PCDH9: variants seen among roughly 807,000 people sequenced by gnomAD.
PCDH9 encodes protocadherin 9.
A neutral mutation model predicts 70.6 loss-of-function variants in PCDH9; 24 were observed. The observed-to-expected ratio is 0.34, with a 90% CI of 0.25 to 0.48. The LOEUF (loss-of-function observed/expected upper bound fraction) is 0.48. Among genes scored for constraint, PCDH9 ranks in the 20% least tolerant of loss-of-function variants. The probability of loss-of-function intolerance (pLI) is 0.99; values close to 1 mark genes in which losing one functional copy is unlikely to be tolerated. For synonymous variants in PCDH9, 562 were observed against 558.5 expected (o/e 1.01, Z -0.09); for missense variants, 1,281 against 1,503.6 (o/e 0.85, Z 2.45).
chr13:67,073,193 A>G (rs906044713), intron 2 of PCDH9, among the ~76,000 whole-genome samples: 2 of 152,124 alleles, frequency 1.3e-5, no homozygotes, highest in Admixed American at 6.6e-5. Context: ...TAAAGTGTCC[A>G]TTGTCATTCT....
intron 2 of PCDH9, among the ~76,000 whole-genome samples, chr13:66,937,901 T>C (rs768501722): frequency 1.3e-5 from 2 of 152,148 alleles, no homozygotes; most frequent in Non-Finnish European, 2.9e-5. Flanking sequence ...TTCTGGGGGT[T>C]GCCCAATTCA....
intron 3 of PCDH9, among the ~76,000 whole-genome samples, chr13:66,777,320 A>G (rs2079912831): frequency 6.6e-6 from 1 of 150,742 alleles, no homozygotes; most frequent in Non-Finnish European, 1.5e-5. Context: ...CAGCAAAAGA[A>G]ACTACCATCA....
At chr13:67,098,785 A>G (rs1435013782) in intron 2 of PCDH9, among the ~76,000 whole-genome samples, 1 of 152,146 alleles carries the variant, frequency 6.6e-6, no homozygotes, top group African/African-American at 2.4e-5. Context: ...AGAAATAATA[A>G]TGCAGAAAAG....
At chr13:66,396,582 T>C (rs1593911012) in intron 4 of PCDH9, among the ~76,000 whole-genome samples, 1 of 151,766 alleles carries the variant, frequency 6.6e-6, no homozygotes, top group East Asian at 1.9e-4. Flanking sequence ...ACGAAATAGA[T>C]AGACAGACAG....
chr13:66,395,552 A>C (rs567756910), intron 4 of PCDH9, among the ~76,000 whole-genome samples: 1 of 152,098 alleles, frequency 6.6e-6, no homozygotes, highest in Non-Finnish European at 1.5e-5. Context: ...GTGAGCCAAG[A>C]TCGTGCCACT....
intron 3 of PCDH9, among the ~76,000 whole-genome samples, chr13:66,754,835 C>T (rs2079516130): frequency 6.6e-6 from 1 of 152,066 alleles, no homozygotes; most frequent in Non-Finnish European, 1.5e-5. Context: ...TACATGCATA[C>T]TATATATTTA....
intron 3 of PCDH9, among the ~76,000 whole-genome samples, chr13:66,755,256 T>C (rs1000801725): frequency 4.6e-5 from 7 of 152,172 alleles, no homozygotes; most frequent in African/African-American, 1.7e-4. Context: ...ATTCCTTTTC[T>C]ACAGAGAAGG....
At chr13:66,391,336 A>C (rs1957014074) in intron 4 of PCDH9, among the ~76,000 whole-genome samples, 2 of 152,188 alleles carry the variant, frequency 1.3e-5, no homozygotes, top group African/African-American at 4.8e-5. Context: ...GGATGTCTTG[A>C]ATGTTCCTAA....
chr13:66,480,734 T>C (rs533884508), intron 4 of PCDH9, among the ~76,000 whole-genome samples: 2 of 152,168 alleles, frequency 1.3e-5, no homozygotes, highest in Non-Finnish European at 2.9e-5. Context: ...AGTTCAACCA[T>C]TGTGGAAGAC....
chr13:66,524,563 G>T (rs192062184), intron 4 of PCDH9, among the ~76,000 whole-genome samples: 11 of 152,132 alleles, frequency 7.2e-5, no homozygotes, highest in African/African-American at 2.2e-4. Flanking sequence ...CTAAAGGGGG[G>T]TGTTAATAAT....
intron 4 of PCDH9, among the ~76,000 whole-genome samples, chr13:66,429,005 G>A (rs919983232): frequency 1.1e-4 from 17 of 150,252 alleles, no homozygotes; most frequent in Non-Finnish European, 2.1e-4. Flanking sequence ...TTGAAAAGAC[G>A]AAAGAGAATT....
intron 4 of PCDH9, among the ~76,000 whole-genome samples, chr13:66,423,856 G>C (rs936248175): frequency 4.6e-5 from 7 of 152,114 alleles, no homozygotes; most frequent in African/African-American, 7.2e-5. Flanking sequence ...AGAAATAAAG[G>C]GTATTCAGAT....
intron 4 of PCDH9, among the ~76,000 whole-genome samples, chr13:66,559,129 C>T (rs1000051109): frequency 3.6e-4 from 55 of 152,066 alleles, no homozygotes; most frequent in African/African-American, 1.3e-3. Context: ...TCAATAGAAA[C>T]CAGAAGAGAA....
At chr13:66,700,924 A>ATGTG (rs1491354666) in intron 3 of PCDH9, among the ~76,000 whole-genome samples, 1,420 of 19,176 alleles carry the variant, frequency 0.074, 172 homozygotes, top group Admixed American at 0.1. Flanking sequence ...GTACATATAA[A>ATGTG]TATATATATA....
At chr13:67,222,755 T>G (rs564052592) in intron 2 of PCDH9, 2 of 152,152 alleles carry the variant, frequency 1.3e-5, no homozygotes, top group Admixed American at 6.5e-5. Context: ...TTCAAAATTG[T>G]GTAGCTTCAG....
chr13:66,455,263 C>T (rs1205528625), intron 4 of PCDH9, among the ~76,000 whole-genome samples: 5 of 150,890 alleles, frequency 3.3e-5, no homozygotes, highest in African/African-American at 4.8e-5. Flanking sequence ...ATATATATTC[C>T]TTGTTGTTAT....
At chr13:66,799,072 C>T (rs1257023958) in intron 3 of PCDH9, among the ~76,000 whole-genome samples, 1 of 152,128 alleles carries the variant, frequency 6.6e-6, no homozygotes, top group Non-Finnish European at 1.5e-5. Context: ...GCCTCGGCTG[C>T]CCAAAGTGCT....
At chr13:66,438,181 C>T (rs1957909580) in intron 4 of PCDH9, among the ~76,000 whole-genome samples, 1 of 151,524 alleles carries the variant, frequency 6.6e-6, no homozygotes. Flanking sequence ...TTGCAGTAAG[C>T]CAAGATCATG....
intron 2 of PCDH9, among the ~76,000 whole-genome samples, chr13:67,084,318 G>A (rs113543184): frequency 2.0e-5 from 3 of 152,056 alleles, no homozygotes. Context: ...ATTCTTCCTA[G>A]GGAGCCTAGA....
Sources: allele counts gnomAD v4.1 joint callset (sites outside exome capture counted in the v4.1 genomes callset), GRCh38; gene constraint gnomAD v4.1.1; transcripts MANE v1.5; gene names NCBI Gene and HGNC (gene_info 2026-07-23, HGNC 2026-07-21).